SUPT3H: variants seen among roughly 807,000 people sequenced by gnomAD.
SUPT3H encodes transcription initiation protein SPT3 homolog.
In SUPT3H, 44 loss-of-function variants were observed where a neutral mutation model predicts 44.3. The ratio of observed to expected loss-of-function variants is 0.99; its 90% CI spans 0.78 to 1.28. SUPT3H has a LOEUF of 1.28. Ranked by LOEUF, SUPT3H falls within the 50% of genes most tolerant of loss-of-function variation. The pLI, the probability that SUPT3H is intolerant of heterozygous loss-of-function variation, is 0.00. For synonymous variants in SUPT3H, 124 were observed against 125.6 expected (o/e 0.99, Z 0.09); for missense variants, 380 against 387.1 (o/e 0.98, Z 0.15).
chr6:45,283,897 C>T (rs1204147546), intron 2 of SUPT3H, among the ~76,000 whole-genome samples: 2 of 152,162 alleles, frequency 1.3e-5, no homozygotes, highest in African/African-American at 2.4e-5. Context: ...TCTCAGACCA[C>T]AGTGAAATCA....
rs956184448 is a variant in SUPT3H, at chr6:45,280,684, G to T, written c.101+84517C>A. On this transcript the variant is annotated intron_variant, in intron 2 of 10. Transcript: ENST00000371459. ...AATTACTCCCCTTGTAACATGAACT[G>T]GTAATAAAAGGTCTATTGTGGATAA... 2.6e-5 allele frequency among the ~76,000 whole-genome samples: 4 copies of T among 152,248 alleles called. No homozygotes were observed. The South Asian group carries it at 8.3e-4, about 32-fold the overall frequency.
In SUPT3H at chr6:44,873,445, A is replaced by C. The variant is rs1209986307; in HGVS notation, c.913-43588T>G. ...AGGCAGAAATAAAGATGTTCTTTGA[A>C]ACCAACGAGAACAAAGACACCACAT... On this transcript the variant is annotated intron_variant, in intron 10 of 10. Transcript: ENST00000371459. Among the ~76,000 whole-genome samples the C allele has an allele frequency of 6.1e-4, 24 of 39,042 alleles. 1 individual carries two copies. Among genetic ancestry groups the C allele is most frequent in the African/African-American group, 2.0e-3 (24 of 12,198 alleles). The allele number at this position is 39,042 out of a possible 152,430, so 25.6% of individuals were successfully genotyped here.
chr6:45,132,256 G>A (rs1163604346), intron 2 of SUPT3H, among the ~76,000 whole-genome samples: 13 of 152,124 alleles, frequency 8.5e-5, no homozygotes, highest in Admixed American at 8.5e-4. Context: ...TGTCCAAACT[G>A]AGAGAGAGGA....
chr6:45,373,668 A>G (rs1339908113), intron 1 of SUPT3H, among the ~76,000 whole-genome samples: 1 of 152,126 alleles, frequency 6.6e-6, no homozygotes, highest in South Asian at 2.1e-4. Flanking sequence ...CTCCTGCCTC[A>G]GCCTCCTGAG....
chr6:44,904,039 T>G (rs547963486), intron 10 of SUPT3H, among the ~76,000 whole-genome samples: 6 of 152,202 alleles, frequency 3.9e-5, no homozygotes, highest in Non-Finnish European at 8.8e-5. Flanking sequence ...CTCAAAATAA[T>G]AAGAGCTATC....
intron 2 of SUPT3H, among the ~76,000 whole-genome samples, chr6:45,345,454 T>C (rs1330334506): frequency 6.6e-6 from 1 of 152,192 alleles, no homozygotes; most frequent in Admixed American, 6.5e-5. Context: ...TAAATAATTA[T>C]GATAGACTCC....
intron 2 of SUPT3H, among the ~76,000 whole-genome samples, chr6:45,324,335 G>C (rs1447653044): frequency 6.6e-6 from 1 of 151,954 alleles, no homozygotes; most frequent in East Asian, 1.9e-4. Flanking sequence ...ATTAAAAACA[G>C]CTGAAAGAAA....
chr6:45,329,058 T>A (rs913602323), intron 2 of SUPT3H, among the ~76,000 whole-genome samples: 9 of 151,988 alleles, frequency 5.9e-5, no homozygotes, highest in African/African-American at 2.2e-4. Context: ...GGTGAGGATA[T>A]GAAAACAGTA....
At chr6:45,234,717 CT>C (rs1768769203) in intron 2 of SUPT3H, among the ~76,000 whole-genome samples, 1 of 152,098 alleles carries the variant, frequency 6.6e-6, no homozygotes, top group African/African-American at 2.4e-5. Flanking sequence ...AATTATTCCA[CT>C]TAAAAACTTT....
chr6:44,867,801 G>A lies in SUPT3H; in HGVS notation c.913-37944C>T, dbSNP rs965154124. ...ATGGCTGCCTCCCCAGTGGGCAGGC[G>A]TACCACAGCAAGGCACTCATTAAGC... On this transcript the variant is annotated intron_variant, in intron 10 of 10. Coordinates refer to ENST00000371459, the MANE Select transcript of SUPT3H (RefSeq NM_003599.4). Among the ~76,000 whole-genome samples the A allele has an allele frequency of 1.1e-4, 16 of 152,272 alleles. No homozygotes were observed. The Middle Eastern group carries it at 0.01, about 97-fold the overall frequency.
At chr6:45,124,383 C>T (rs887738808) in intron 2 of SUPT3H, among the ~76,000 whole-genome samples, 2 of 152,034 alleles carry the variant, frequency 1.3e-5, no homozygotes, top group African/African-American at 2.4e-5. Context: ...TGGGCTCAGG[C>T]CTGTAATCCC....
In SUPT3H at chr6:45,028,137, G is replaced by A. The variant is rs570450923; in HGVS notation, c.187-7505C>T. On this transcript the variant is annotated intron_variant, in intron 3 of 10. Coordinates refer to ENST00000371459, the MANE Select transcript of SUPT3H (RefSeq NM_003599.4). ...CTATTGTCTGTTTTTTGTTTTGTTT[G>A]TTTTCCTGAAATGTCTATTAAATGA... 7.2e-5 allele frequency among the ~76,000 whole-genome samples: 11 copies of A among 152,168 alleles called. 1 individual carries two copies. The South Asian group carries it at 2.3e-3, about 32-fold the overall frequency.
chr6:45,024,330 A>AT (rs1007846125), intron 3 of SUPT3H, among the ~76,000 whole-genome samples: 6 of 151,270 alleles, frequency 4.0e-5, no homozygotes, highest in African/African-American at 7.3e-5. Flanking sequence ...CATGACATTC[A>AT]TTTTTTTTCT....
At chr6:45,053,160 T>C (rs903428207) in intron 3 of SUPT3H, among the ~76,000 whole-genome samples, 10 of 151,394 alleles carry the variant, frequency 6.6e-5, no homozygotes, top group African/African-American at 2.2e-4. Flanking sequence ...TAGGCCTTCT[T>C]AGTAGCTGGG....
chr6:44,857,462 T>C (rs1019479736), intron 10 of SUPT3H, among the ~76,000 whole-genome samples: 1 of 152,184 alleles, frequency 6.6e-6, no homozygotes, highest in Admixed American at 6.5e-5. Context: ...TCCATATCAA[T>C]TGGATTGATT....
chr6:45,061,735 T>G (rs947016805), intron 3 of SUPT3H, among the ~76,000 whole-genome samples: 4 of 147,862 alleles, frequency 2.7e-5, no homozygotes, highest in African/African-American at 1.0e-4. Flanking sequence ...CCATTATGAC[T>G]ATATATATCA....
chr6:45,121,531 G>A (rs1198833835), intron 2 of SUPT3H, among the ~76,000 whole-genome samples: 1 of 147,866 alleles, frequency 6.8e-6, no homozygotes, highest in Non-Finnish European at 1.5e-5. Flanking sequence ...GGGGGGGGGT[G>A]GATTATCTAA....
chr6:44,835,355 T>C (rs1407713864), intron 10 of SUPT3H, among the ~76,000 whole-genome samples: 1 of 152,154 alleles, frequency 6.6e-6, no homozygotes, highest in African/African-American at 2.4e-5. Flanking sequence ...AGAGTATACA[T>C]GCTCTGTCTC....
At chr6:45,029,486 T>A (rs1786591089) in intron 3 of SUPT3H, among the ~76,000 whole-genome samples, 1 of 151,850 alleles carries the variant, frequency 6.6e-6, no homozygotes, top group South Asian at 2.1e-4. Flanking sequence ...ATATATTTAC[T>A]GTATGAAGAT....
Sources: gnomAD v4.1 joint callset for allele counts (sites outside exome capture counted in the v4.1 genomes callset) on GRCh38, gnomAD v4.1.1 for gene constraint, MANE v1.5 for transcripts, NCBI Gene and HGNC (gene_info 2026-07-23, HGNC 2026-07-21) for gene names.